The following PTPN13 variants were observed in gnomAD, a reference collection of about 807,000 sequenced individuals.
PTPN13 encodes tyrosine-protein phosphatase non-receptor type 13.
In PTPN13, 191 loss-of-function variants were observed where a neutral mutation model predicts 284.0. The observed-to-expected ratio is 0.67, with a 90% CI of 0.60 to 0.76. The LOEUF is 0.76. Ranked by LOEUF, PTPN13 falls within the 30% of genes least tolerant of loss-of-function variation. The pLI is 0.00. For synonymous variants in PTPN13, 986 were observed against 1,022.3 expected, an observed-to-expected ratio of 0.96 and a Z score of 0.68; for missense variants, 2,797 against 2,939.9, an observed-to-expected ratio of 0.95 and a Z score of 1.12.
intron 40 of PTPN13, among the ~76,000 whole-genome samples, chr4:86,790,912 C>T (rs1207575261): frequency 5.3e-5 from 8 of 152,152 alleles, no homozygotes; most frequent in East Asian, 1.9e-4. Context: ...CAGTCTGCCA[C>T]TCCCAACGAA....
In PTPN13 at chr4:86,750,837, G is replaced by C; in HGVS notation, c.3018G>C (p.Gln1006His). ...AGTTGGTGGGAAAACCTTCTCACCA[G>C]ATGTCAAGATCTGATGCAGAATCTT... ...VAELVGKPSH[Q>H]MSRSDAESLA... The change falls in exon 18 of 48, where the codon CAG becomes CAC. Residue 1006 changes from glutamine (Q) to histidine (H), a missense_variant. Coordinates refer to ENST00000411767, the MANE Select transcript of PTPN13 (RefSeq NM_080683.3). The C allele has an allele frequency of 1.2e-6, 2 of 1,613,814 alleles. No individual in the cohort carries two copies. The highest frequency in any genetic ancestry group is 1.7e-6 in the Non-Finnish European group (2 of 1,179,842).
intron 1 of PTPN13, among the ~76,000 whole-genome samples, chr4:86,627,470 AG>A (rs1474086665): frequency 6.6e-6 from 1 of 151,914 alleles, no homozygotes; most frequent in African/African-American, 2.4e-5. Flanking sequence ...AACAAAGAAA[AG>A]GATTGCTGTT....
chr4:86,716,669 G>A (rs774789545), intron 8 of PTPN13, 44 bp downstream of exon 8: 54 of 1,220,082 alleles, frequency 4.4e-5, no homozygotes, highest in Admixed American at 2.2e-4. Flanking sequence ...AAGAAACCAC[G>A]ATTATTATTA....
intron 1 of PTPN13, among the ~76,000 whole-genome samples, chr4:86,619,782 A>G (rs998355248): frequency 6.6e-6 from 1 of 151,032 alleles, no homozygotes; most frequent in Non-Finnish European, 1.5e-5. Flanking sequence ...TTTTCCCCCA[A>G]TACTTGTCTC....
intron 23 of PTPN13, among the ~76,000 whole-genome samples, chr4:86,760,276 A>G (rs753568004): frequency 3.9e-5 from 6 of 152,214 alleles, no homozygotes; most frequent in Non-Finnish European, 7.3e-5. Flanking sequence ...CACATTAGGC[A>G]AAGGAAGACA....
intron 2 of PTPN13, chr4:86,661,183 A>G (rs911212589): frequency 4.8e-6 from 2 of 413,476 alleles, no homozygotes; most frequent in Non-Finnish European, 9.5e-6. Context: ...CTGCTATGAC[A>G]TATCACACAG....
chr4:86,749,056 G>T (rs1737103581), intron 17 of PTPN13, among the ~76,000 whole-genome samples: 1 of 152,126 alleles, frequency 6.6e-6, no homozygotes, highest in Admixed American at 6.6e-5. Context: ...AGAGATCATT[G>T]AATTTTCCTA....
intron 8 of PTPN13, 145 bp downstream of exon 8, chr4:86,716,770 G>C: frequency 2.9e-6 from 2 of 695,296 alleles, no homozygotes; most frequent in Non-Finnish European, 4.7e-6. Context: ...TGGTTACTCA[G>C]TAGTAGTATT....
intron 15 of PTPN13, 39 bp from the exon 16 acceptor site, chr4:86,741,595 A>G (rs755118215): frequency 6.4e-7 from 1 of 1,555,042 alleles, no homozygotes; most frequent in Non-Finnish European, 8.8e-7. Context: ...GTCACCATTT[A>G]CCAAAGTGTA....
Position 86,701,397 on chromosome 4 carries a change from G to T in PTPN13, c.791G>T (p.Gly264Val). ...AAGGACATTTTATCAGATAATTCTG[G>T]ACGTGAAGATTCTGAAAATACATTC... is the stretch of plus-strand genomic sequence containing the variant. ...YFKDILSDNSGREDSENTFSP... is the reference protein window; with the variant it reads ...YFKDILSDNSVREDSENTFSP... Residue 264 changes from glycine (G) to valine (V), a missense_variant, in exon 7 of 48, where the codon GGA becomes GTA. Physicochemically the swap from Gly to Val is moderately radical, Grantham distance 109 (BLOSUM62 -3). Transcript: ENST00000411767. 33 of 1,613,522 alleles carry T rather than the reference G, an allele frequency of 2.0e-5. No individual in the cohort carries two copies. The highest frequency in any genetic ancestry group is 2.8e-5 in the Non-Finnish European group (33 of 1,179,658).
chr4:86,701,598 T>TGCG lies in PTPN13; in HGVS notation c.994_996dup (p.Arg332dup). Reference sequence around the variant, plus strand: ...CGTTGTCACCCTGAGGCAGTAACAGTGCGGACTTCAACTACTCCTAGAAAA... The same window carrying TGCG: ...CGTTGTCACCCTGAGGCAGTAACAGTGCGGCGGACTTCAACTACTCCTAGAAAA... On this transcript the variant is annotated inframe_insertion, in exon 7 of 48. Coordinates refer to ENST00000411767, the MANE Select transcript of PTPN13 (RefSeq NM_080683.3). The TGCG allele has an allele frequency of 1.2e-6, 2 of 1,613,902 alleles. No homozygotes were observed. The highest frequency in any genetic ancestry group is 1.7e-6 in the Non-Finnish European group (2 of 1,179,852).
chr4:86,734,223 T>C, intron 12 of PTPN13, 80 bp from the exon 13 acceptor site: 2 of 1,166,818 alleles, frequency 1.7e-6, no homozygotes, highest in South Asian at 1.8e-5. Context: ...TATGCAAGTC[T>C]GACCAAAAAG....
At chr4:86,721,368 G>A (rs769022941) in intron 9 of PTPN13, among the ~76,000 whole-genome samples, 25 of 152,044 alleles carry the variant, frequency 1.6e-4, no homozygotes, top group Non-Finnish European at 2.6e-4. Flanking sequence ...TGTACTAGGT[G>A]CTTTCAGATA....
intron 1 of PTPN13, among the ~76,000 whole-genome samples, chr4:86,634,144 G>T (rs189116211): frequency 6.6e-6 from 1 of 152,276 alleles, no homozygotes; most frequent in African/African-American, 2.4e-5. Flanking sequence ...TGTCTTGTTA[G>T]TTGAGTAAAC....
rs747404195 is a variant in PTPN13, at chr4:86,774,520, C to T, written c.5497C>T (p.Arg1833Trp). The T allele has an allele frequency of 1.2e-5, 19 of 1,597,724 alleles. No homozygotes were observed. The highest frequency in any genetic ancestry group is 2.2e-5 in the East Asian group (1 of 44,524). Residue 1833 changes from arginine to tryptophan, a missense_variant, in exon 33 of 48, where the codon CGG (arginine) becomes TGG (tryptophan). Coordinates refer to ENST00000411767, the MANE Select transcript of PTPN13 (RefSeq NM_080683.3). ...KSDGRLKPGD[R>W]LIKVNDTDVT... ...TGATGGAAGGCTAAAACCTGGGGAC[C>T]GGCTCATAAAGGTGAGACATTTAAG...
chr4:86,662,340 T>C (rs1170180110), intron 2 of PTPN13, among the ~76,000 whole-genome samples: 1 of 152,194 alleles, frequency 6.6e-6, no homozygotes, highest in Non-Finnish European at 1.5e-5. Flanking sequence ...TTATTTCTTA[T>C]TTATTTATTT....
Position 86,745,038 on chromosome 4 carries a change from T to C in PTPN13, c.2560T>C (p.Cys854Arg). The C allele has an allele frequency of 1.2e-6, 2 of 1,608,756 alleles. No homozygotes were observed. The highest frequency in any genetic ancestry group is 1.7e-5 in the Admixed American group (1 of 59,364). ...CTTCCAGACAGACAACAGTAAGATA[T>C]GCCAGTACCTGCTGCACCTCTGCTC... ...HGFQTDNSKI[C>R]QYLLHLCSYQ... Residue 854 changes from cysteine to arginine, a missense_variant, in exon 17 of 48, where the codon TGC (cysteine) becomes CGC (arginine). Transcript: ENST00000411767.
intron 1 of PTPN13, among the ~76,000 whole-genome samples, chr4:86,625,137 A>T (rs190207925): frequency 6.6e-6 from 1 of 152,220 alleles, no homozygotes; most frequent in East Asian, 1.9e-4. Flanking sequence ...ATCACTCTCT[A>T]ATCTTTGTGA....
chr4:86,805,836 C>T (rs1466090059), intron 44 of PTPN13, among the ~76,000 whole-genome samples: 1 of 152,076 alleles, frequency 6.6e-6, no homozygotes, highest in Non-Finnish European at 1.5e-5. Flanking sequence ...CTACATTAGA[C>T]ATTTCAGATA....
Sources: allele counts gnomAD v4.1 joint callset (sites outside exome capture counted in the v4.1 genomes callset), GRCh38; gene constraint gnomAD v4.1.1; transcripts MANE v1.5; gene names NCBI Gene and HGNC (gene_info 2026-07-23, HGNC 2026-07-21).